The following BRPF3 variants were observed in gnomAD, a reference collection of about 807,000 sequenced individuals.
The protein encoded by BRPF3 is bromodomain and PHD finger-containing protein 3.
In BRPF3, 18 loss-of-function variants were observed where a neutral mutation model predicts 102.0. The ratio of observed to expected loss-of-function variants is 0.18; its 90% CI spans 0.12 to 0.26. The LOEUF (loss-of-function observed/expected upper bound fraction) is 0.26, where lower values mean the gene tolerates loss of function less well. Ranked by LOEUF, BRPF3 falls within the 10% of genes least tolerant of loss-of-function variation. The pLI is 1.00. For synonymous variants in BRPF3, 570 were observed against 614.2 expected, an observed-to-expected ratio of 0.93 and a Z score of 1.06; for missense variants, 1,147 against 1,567.8, an observed-to-expected ratio of 0.73 and a Z score of 4.53.
chr6:36,226,967 AAAAC>A lies in BRPF3; in HGVS notation c.3279+1609_3279+1612del, dbSNP rs533230399. Among the ~76,000 whole-genome samples the A allele has an allele frequency of 1.8e-3, 279 of 152,370 alleles. 1 individual carries two copies. Among genetic ancestry groups the A allele is most frequent in the African/African-American group, 6.1e-3 (253 of 41,588 alleles). ...TTAAGCTGTGCAGGTTTGGATTTAAAAAACAAACAGACAGAATACCTCACAATGC... is the reference window on the plus strand; with the variant it reads ...TTAAGCTGTGCAGGTTTGGATTTAAAAAACAGACAGAATACCTCACAATGC... On this transcript the variant is annotated intron_variant, in intron 11 of 12. Transcript: ENST00000357641.
In BRPF3 at chr6:36,210,937, T is replaced by C. The variant is rs976993755; in HGVS notation, c.2180-321T>C. Among the ~76,000 whole-genome samples the C allele has an allele frequency of 2.6e-5, 4 of 152,190 alleles. No homozygotes were observed. Among genetic ancestry groups the C allele is most frequent in the Non-Finnish European group, 4.4e-5 (3 of 68,024 alleles). ...TTGCCTCTGAGCCCCACACGCTGCC[T>C]GTCCCTGCTCTCTGCTTCTCGATGG... On this transcript the variant is annotated intron_variant, in intron 6 of 12. Transcript: ENST00000357641. The surrounding 1 kb of genome is among the most constrained non-coding windows in gnomAD (Gnocchi z 4.7).
rs1171928243 is a variant in BRPF3 at position 36,210,391 on chromosome 6, G to A, written c.2042G>A (p.Arg681His). 11 of 1,614,212 alleles carry A rather than the reference G, an allele frequency of 6.8e-6. No individual in the cohort carries two copies. Among genetic ancestry groups the A allele is most frequent in the Admixed American group, 1.7e-5 (1 of 60,028 alleles). The change falls in exon 6 of 13, where the codon CGC (arginine) becomes CAC (histidine). Residue 681 changes from arginine (R) to histidine (H), a missense_variant. By Grantham distance (29) the Arg-to-His change is conservative. This residue lies in a region of BRPF3 where 109 missense variants were observed against 175.1 expected (regional missense o/e 0.62). Coordinates refer to ENST00000357641, the MANE Select transcript of BRPF3 (RefSeq NM_015695.3). This position sits in a 1 kb window ranked among gnomAD's most constrained non-coding sequence, Gnocchi z 4.7. ...KDTIFHRAAV[R>H]LRDLGGAILR... ...ACAATTTTCCACCGAGCAGCTGTCC[G>A]CCTGCGGGACCTGGGAGGGGCCATC...
Position 36,228,961 on chromosome 6 carries a change from C to G in BRPF3, c.3339C>G (p.Val1113=). 2 of 1,614,170 alleles carry G rather than the reference C, an allele frequency of 1.2e-6. No individual in the cohort carries two copies. Among genetic ancestry groups the G allele is most frequent in the African/African-American group, 1.3e-5 (1 of 75,056 alleles). ...GLLHNGVPIP[V]PPLDVLKLGE... ...TGCACAATGGCGTTCCCATCCCTGTCCCCCCGCTGGACGTGCTGAAGCTGG... is the reference window on the plus strand; with the variant it reads ...TGCACAATGGCGTTCCCATCCCTGTGCCCCCGCTGGACGTGCTGAAGCTGG... The change falls in exon 12 of 13, where the codon GTC becomes GTG. Residue 1113 remains valine (V), a synonymous_variant. Coordinates refer to ENST00000357641, the MANE Select transcript of BRPF3 (RefSeq NM_015695.3).
In BRPF3 at chr6:36,210,724, ACTT is replaced by A. The variant is rs1228291568; in HGVS notation, c.2179+200_2179+202del. The stretch of plus-strand genomic sequence containing the variant: ...TTAAAGTTTAACTAATGTACTCTGC[ACTT>A]CTTAAGTGGTAGAAAAGGGGAATCA... On this transcript the variant is annotated intron_variant, in intron 6 of 12. Coordinates refer to ENST00000357641, the MANE Select transcript of BRPF3 (RefSeq NM_015695.3). This position sits in a 1 kb window ranked among gnomAD's most constrained non-coding sequence, Gnocchi z 4.7. Among the ~76,000 whole-genome samples the A allele has an allele frequency of 6.6e-6, 1 of 152,218 alleles. No individual in the cohort carries two copies. The highest frequency in any genetic ancestry group is 1.5e-5 in the Non-Finnish European group (1 of 68,046).
chr6:36,200,224 G>A lies in BRPF3; in HGVS notation c.-26-73G>A. 1 of 1,446,714 alleles carries A rather than the reference G, an allele frequency of 6.9e-7. No individual in the cohort carries two copies. The highest frequency in any genetic ancestry group is 9.1e-7 in the Non-Finnish European group (1 of 1,100,678). 89.6% of individuals were successfully genotyped at this position (1,446,714 alleles called of 1,614,324 possible). On this transcript the variant is annotated intron_variant, in intron 1 of 12. Transcript: ENST00000357641. This position sits in a 1 kb window ranked among gnomAD's most constrained non-coding sequence, Gnocchi z 5.3. ...GGAAAAGCCAGTCCTCTTGGTGGAT[G>A]CTTGATCATATGGGAGGATGAATGG... is the stretch of plus-strand genomic sequence containing the variant.
chr6:36,208,401 A>T (rs760733436), intron 4 of BRPF3, among the ~76,000 whole-genome samples: 4 of 152,222 alleles, frequency 2.6e-5, no homozygotes, highest in Non-Finnish European at 4.4e-5. Flanking sequence ...TTAGGGAAGC[A>T]GAGGCAGGAG....
chr6:36,219,031 C>T (rs980041659), intron 9 of BRPF3, among the ~76,000 whole-genome samples: 11 of 152,170 alleles, frequency 7.2e-5, no homozygotes, highest in South Asian at 4.1e-4. Context: ...TGGCCCCACC[C>T]ATGACTGCTG....
rs199961924 is a variant in BRPF3, at chr6:36,210,462, G to A, written c.2113G>A (p.Glu705Lys). 67 of 1,607,794 alleles carry A rather than the reference G, an allele frequency of 4.2e-5. No individual in the cohort carries two copies. The highest frequency in any genetic ancestry group is 5.1e-5 in the Non-Finnish European group (60 of 1,179,986). Residue 705 changes from glutamate to lysine, a missense_variant, in exon 6 of 13, where the codon GAG (glutamate) becomes AAG (lysine). Physicochemically the swap from Glu to Lys is moderately conservative, Grantham distance 56. Around this residue, in one of 11 missense-constraint regions of BRPF3, gnomAD observed 109 missense variants for 175.1 expected, o/e 0.62. Transcript: ENST00000357641. This position sits in a 1 kb window ranked among gnomAD's most constrained non-coding sequence, Gnocchi z 4.7. Reference protein sequence around the residue: ...RQAENIGYDPERGTHLPESPK... With the variant: ...RQAENIGYDPKRGTHLPESPK... ...GGCAGAGAACATCGGCTATGACCCC[G>A]AGAGGGGCACTCACCTGCCCGAGTC...
At position 36,230,510 on chromosome 6, in the gene BRPF3, C is replaced by G. The variant is rs200690839; in HGVS notation, c.3519C>G (p.Thr1173=). ...TCAAGATGCTGGAAGGCCGCAAGAC[C>G]AGCATCCGCAAGTCAGTGCAGGTGG... ...DKLKMLEGRK[T]SIRKSVQVAY... is the part of the protein sequence containing the mutation. Residue 1173 remains threonine (T), a synonymous_variant, in exon 13 of 13, where the codon ACC becomes ACG. Coordinates refer to ENST00000357641, the MANE Select transcript of BRPF3 (RefSeq NM_015695.3). This position sits in a 1 kb window ranked among gnomAD's most constrained non-coding sequence, Gnocchi z 5.4. 1 of 1,614,184 alleles carries G rather than the reference C, an allele frequency of 6.2e-7. No homozygotes were observed. The highest frequency in any genetic ancestry group is 1.1e-5 in the South Asian group (1 of 91,086).
At chr6:36,202,414 C>CG (rs891012538) in intron 2 of BRPF3, among the ~76,000 whole-genome samples, 1 of 140,652 alleles carries the variant, frequency 7.1e-6, no homozygotes, top group Non-Finnish European at 1.6e-5. Context: ...CTGTGGACCC[C>CG]CCCCCCCTCC....
chr6:36,210,316 A>G lies in BRPF3; in HGVS notation c.1967A>G (p.Glu656Gly). Residue 656 changes from glutamate (E) to glycine (G), a missense_variant, in exon 6 of 13, where the codon GAG becomes GGG. Physicochemically the swap from Glu to Gly is moderately conservative, Grantham distance 98 (BLOSUM62 -2). Around this residue, in one of 11 missense-constraint regions of BRPF3, gnomAD observed 109 missense variants for 175.1 expected, o/e 0.62. Coordinates refer to ENST00000357641, the MANE Select transcript of BRPF3 (RefSeq NM_015695.3). This position sits in a 1 kb window ranked among gnomAD's most constrained non-coding sequence, Gnocchi z 4.7. ...HLYRTLEEFE[E>G]DFNLIVTNCM... is the part of the protein sequence containing the mutation. ...TACCGCACCTTGGAGGAGTTTGAGG[A>G]GGACTTTAACCTTATAGTTACCAAC... 6.2e-7 allele frequency: 1 copy of G among 1,614,236 alleles called. No individual in the cohort carries two copies. The highest frequency in any genetic ancestry group is 8.5e-7 in the Non-Finnish European group (1 of 1,180,046).
rs144201600 is a variant in BRPF3, at chr6:36,210,610, G to C, written c.2179+82G>C. 2.3e-4 allele frequency: 312 copies of C among 1,366,942 alleles called. 3 individuals carry two copies. In the East Asian group the frequency reaches 7.2e-3, roughly 31 times the overall value. The allele number at this position is 1,366,942 out of a possible 1,614,324, so 84.7% of individuals were successfully genotyped here. A position where few individuals can be genotyped will look rare whatever the true frequency, so the allele number is the denominator to read the frequency against. On this transcript the variant is annotated intron_variant, in intron 6 of 12. Coordinates refer to ENST00000357641, the MANE Select transcript of BRPF3 (RefSeq NM_015695.3). The surrounding 1 kb of genome is among the most constrained non-coding windows in gnomAD (Gnocchi z 4.7). Reference sequence around the variant, plus strand: ...GTCTACAGAGTGAGGGATCAGGGTGGTCCTTGGGGCTATAGGTAGACTCCA... The same window carrying C: ...GTCTACAGAGTGAGGGATCAGGGTGCTCCTTGGGGCTATAGGTAGACTCCA...
rs561423512 is a variant in BRPF3, at chr6:36,218,115, C to G, written c.3083+105C>G. 3.2e-6 allele frequency: 3 copies of G among 944,906 alleles called. No homozygotes were observed. In the East Asian group the frequency reaches 7.9e-5, roughly 25 times the overall value. The allele number at this position is 944,906 out of a possible 1,614,324, so 58.5% of individuals were successfully genotyped here. A position where few individuals can be genotyped will look rare whatever the true frequency, so the allele number is the denominator to read the frequency against. ...CTTCCTGCTTACCTTTTTCTCTCTTCCCCCACTCCTGCTATTTCCTGAGGC... is the reference window on the plus strand; with the variant it reads ...CTTCCTGCTTACCTTTTTCTCTCTTGCCCCACTCCTGCTATTTCCTGAGGC... On this transcript the variant is annotated intron_variant, in intron 9 of 12. Coordinates refer to ENST00000357641, the MANE Select transcript of BRPF3 (RefSeq NM_015695.3).
At chr6:36,215,603 G>A (rs891341588) in intron 8 of BRPF3, among the ~76,000 whole-genome samples, 5 of 152,210 alleles carry the variant, frequency 3.3e-5, no homozygotes, top group African/African-American at 1.2e-4. Flanking sequence ...CATTGCTAGA[G>A]GTGTTCAGGG....
At chr6:36,198,209 C>T (rs1217399845) in intron 1 of BRPF3, among the ~76,000 whole-genome samples, 16 of 152,176 alleles carry the variant, frequency 1.1e-4, no homozygotes, top group Non-Finnish European at 1.5e-5. Context: ...GCTCCTCAGC[C>T]AAATTGGTTT....
In BRPF3 at chr6:36,200,058, G is replaced by A. The variant is rs917191226; in HGVS notation, c.-26-239G>A. Among the ~76,000 whole-genome samples, 2 of 152,218 alleles carry A rather than the reference G, an allele frequency of 1.3e-5. No individual in the cohort carries two copies. Among genetic ancestry groups the A allele is most frequent in the Non-Finnish European group, 2.9e-5 (2 of 68,034 alleles). ...GAATGAAAGGTAGATTGCTGGTGGA[G>A]GAAAAGGATTTGCAATTTTAGATAA... On this transcript the variant is annotated intron_variant, in intron 1 of 12. Transcript: ENST00000357641. The surrounding 1 kb of genome is among the most constrained non-coding windows in gnomAD (Gnocchi z 5.3).
intron 1 of BRPF3, chr6:36,197,662 G>C (rs1399177648): frequency 1.3e-5 from 2 of 151,830 alleles, no homozygotes; most frequent in Non-Finnish European, 2.9e-5. Context: ...GGGAAATCTG[G>C]GGGGGCGGGG....
Position 36,217,901 on chromosome 6 carries a change from T to G in BRPF3, c.2990-16T>G, listed in dbSNP as rs1317452827. 1 of 1,611,042 alleles carries G rather than the reference T, an allele frequency of 6.2e-7. No homozygotes were observed. Among genetic ancestry groups the G allele is most frequent in the East Asian group, 2.2e-5 (1 of 44,780 alleles). ...GGGATTTCTGCACTCAGACTCACTG[T>G]GTGTGTCCTTGGCAGGCATGACCAA... is the stretch of plus-strand genomic sequence containing the variant. On this transcript the variant is annotated splice_polypyrimidine_tract_variant and intron_variant, in intron 8 of 12. Transcript: ENST00000357641.
Position 36,200,457 on chromosome 6 carries a change from T to C in BRPF3, c.135T>C (p.Ile45=). The C allele has an allele frequency of 6.2e-7, 1 of 1,614,200 alleles. No individual in the cohort carries two copies. Among genetic ancestry groups the C allele is most frequent in the Non-Finnish European group, 8.5e-7 (1 of 1,180,016 alleles). The change falls in exon 2 of 13, where the codon ATT becomes ATC. Residue 45 remains isoleucine (I), a synonymous_variant. Coordinates refer to ENST00000357641, the MANE Select transcript of BRPF3 (RefSeq NM_015695.3). The surrounding 1 kb of genome is among the most constrained non-coding windows in gnomAD (Gnocchi z 5.3). ...CCCAGCGGATTGTCGAGGTAGACAT[T>C]GATGGACGCCTGCATCGTATCAGCA... The part of the protein sequence containing the change: ...AQAQRIVEVD[I]DGRLHRISIY...
Sources: gnomAD v4.1 joint callset for allele counts (sites outside exome capture counted in the v4.1 genomes callset) on GRCh38, gnomAD v4.1.1 for gene constraint, gnomAD v4.1.1 regional missense constraint, Gnocchi (gnomAD v3.1) non-coding constraint, MANE v1.5 for transcripts, NCBI Gene and HGNC (gene_info 2026-07-23, HGNC 2026-07-21) for gene names.